Variants in CNTNAP5 observed in about 807,000 individuals in gnomAD.
CNTNAP5 encodes contactin associated protein family member 5.
Under a neutral mutation model 150.2 loss-of-function variants are expected in CNTNAP5, and 72 were observed. The observed-to-expected ratio is 0.48, with a 90% CI of 0.40 to 0.58. The LOEUF is 0.58. Ranked by LOEUF, CNTNAP5 falls within the 20% of genes least tolerant of loss-of-function variation. CNTNAP5 has a pLI of 0.00. For synonymous variants in CNTNAP5, 672 were observed against 619.8 expected, an observed-to-expected ratio of 1.08 and a Z score of -1.25; for missense variants, 1,636 against 1,626.2, an observed-to-expected ratio of 1.01 and a Z score of -0.10.
intron 1 of CNTNAP5, among the ~76,000 whole-genome samples, chr2:124,140,254 C>A (rs1329571457): frequency 6.6e-6 from 1 of 150,934 alleles, no homozygotes; most frequent in Non-Finnish European, 1.5e-5. Context: ...GTAAACAAAG[C>A]AGCCGGGAAG....
intron 3 of CNTNAP5, among the ~76,000 whole-genome samples, chr2:124,392,482 G>A: frequency 6.6e-6 from 1 of 152,052 alleles, no homozygotes; most frequent in South Asian, 2.1e-4. Flanking sequence ...TGGAGACAGA[G>A]CTATAATGTA....
In CNTNAP5 at chr2:124,620,767, A is replaced by G. The variant is rs537406259; in HGVS notation, c.1876+10847A>G. On this transcript the variant is annotated intron_variant, in intron 12 of 23. Coordinates refer to ENST00000682447, the MANE Select transcript of CNTNAP5 (RefSeq NM_001367498.1). ...CATGCACACACACACACACACACAC[A>G]CACACACATATATATGCAAACTTTC... Among the ~76,000 whole-genome samples, 11 of 152,060 alleles carry G rather than the reference A, an allele frequency of 7.2e-5. No individual in the cohort carries two copies. The South Asian group carries it at 2.3e-3, about 32-fold the overall frequency.
chr2:124,617,900 C>A (rs994153608), intron 12 of CNTNAP5, among the ~76,000 whole-genome samples: 3 of 152,030 alleles, frequency 2.0e-5, no homozygotes, highest in African/African-American at 7.2e-5. Flanking sequence ...GCCTCTGAAA[C>A]CTGAATAGGA....
chr2:124,659,034 A>G (rs1354116279), intron 13 of CNTNAP5, among the ~76,000 whole-genome samples: 1 of 152,176 alleles, frequency 6.6e-6, no homozygotes, highest in East Asian at 1.9e-4. Context: ...TCCTACCGCC[A>G]TGTGACCTTA....
intron 14 of CNTNAP5, among the ~76,000 whole-genome samples, chr2:124,759,373 T>A (rs1304762780): frequency 6.8e-6 from 1 of 146,764 alleles, no homozygotes; most frequent in African/African-American, 2.5e-5. Flanking sequence ...TTATATATAT[T>A]TATTATATAT....
At chr2:124,474,933 A>C in intron 7 of CNTNAP5, 51 bp downstream of exon 7, 1 of 1,534,224 alleles carries the variant, frequency 6.5e-7, no homozygotes, top group Non-Finnish European at 8.8e-7. Context: ...CTTTGGGGTA[A>C]GTCTTGCTTT....
At chr2:124,487,458 T>C (rs1294864426) in intron 7 of CNTNAP5, among the ~76,000 whole-genome samples, 1 of 152,086 alleles carries the variant, frequency 6.6e-6, no homozygotes, top group Non-Finnish European at 1.5e-5. Context: ...AACCCACCAT[T>C]TACTTCATTT....
intron 13 of CNTNAP5, among the ~76,000 whole-genome samples, chr2:124,673,052 G>A (rs1457098511): frequency 6.6e-6 from 1 of 152,034 alleles, no homozygotes; most frequent in Non-Finnish European, 1.5e-5. Context: ...TATCAAATTG[G>A]CATTTTGGTA....
rs552982736 is a variant in CNTNAP5 at position 124,869,745 on chromosome 2, C to A, written c.3419C>A (p.Thr1140Asn). 12 of 1,609,114 alleles carry A rather than the reference C, an allele frequency of 7.5e-6. No individual in the cohort carries two copies. Among genetic ancestry groups the A allele is most frequent in the East Asian group, 4.5e-5 (2 of 44,736 alleles). The change falls in exon 21 of 24, where the codon ACC (threonine) becomes AAC (asparagine). Residue 1140 changes from threonine (T) to asparagine (N), a missense_variant. Transcript: ENST00000682447. ...GAGTTCAGGGTTATAAGGTCACTCA[C>A]CTTGGGCAAAGTCACAGGTATGTTG... ...EVEFRVIRSL[T>N]LGKVTENLGL...
intron 13 of CNTNAP5, among the ~76,000 whole-genome samples, chr2:124,672,143 T>C (rs2105058555): frequency 1.3e-5 from 2 of 152,294 alleles, no homozygotes; most frequent in East Asian, 3.9e-4. Context: ...ACCTCTCTTT[T>C]TGGCTTGGAG....
At chr2:124,887,331 G>A (rs1218709365) in intron 21 of CNTNAP5, among the ~76,000 whole-genome samples, 1 of 152,026 alleles carries the variant, frequency 6.6e-6, no homozygotes, top group Non-Finnish European at 1.5e-5. Flanking sequence ...CTTCTGATTA[G>A]TAATGCATCA....
At chr2:124,567,835 TGATA>T (rs10685444) in intron 11 of CNTNAP5, among the ~76,000 whole-genome samples, 28,167 of 132,664 alleles carry the variant, frequency 0.21, 2,796 homozygotes, top group Non-Finnish European at 0.22. Context: ...AGGGCATAGA[TGATA>T]GATAGATAGA....
intron 13 of CNTNAP5, among the ~76,000 whole-genome samples, chr2:124,666,204 G>GAT (rs1678696477): frequency 6.6e-6 from 1 of 152,250 alleles, no homozygotes; most frequent in Non-Finnish European, 1.5e-5. Context: ...AGTATACATT[G>GAT]ATTTGGCCCA....
chr2:124,567,643 C>T (rs1696053406), intron 11 of CNTNAP5, among the ~76,000 whole-genome samples: 1 of 152,150 alleles, frequency 6.6e-6, no homozygotes. Context: ...TCAATGCCTT[C>T]CGACTCCCAG....
intron 7 of CNTNAP5, among the ~76,000 whole-genome samples, chr2:124,487,112 C>G (rs1693902457): frequency 6.6e-6 from 1 of 152,126 alleles, no homozygotes. Context: ...TCCAGTATCC[C>G]CCATGGTGGC....
chr2:124,190,581 G>C (rs766065078), intron 1 of CNTNAP5, among the ~76,000 whole-genome samples: 1 of 152,072 alleles, frequency 6.6e-6, no homozygotes, highest in Non-Finnish European at 1.5e-5. Flanking sequence ...AAAGAAAACC[G>C]AAAGCTCAAT....
At chr2:124,358,611 G>T (rs1267708891) in intron 3 of CNTNAP5, among the ~76,000 whole-genome samples, 3 of 152,184 alleles carry the variant, frequency 2.0e-5, no homozygotes, top group Non-Finnish European at 1.5e-5. Context: ...TACATTTACT[G>T]ATTTGCATAT....
At chr2:124,213,868 G>A (rs1396518049) in intron 1 of CNTNAP5, among the ~76,000 whole-genome samples, 1 of 152,166 alleles carries the variant, frequency 6.6e-6, no homozygotes, top group Non-Finnish European at 1.5e-5. Flanking sequence ...GAGCTGTTGA[G>A]TTTGGGCTCA....
At chr2:124,244,291 T>C (rs912173151) in intron 3 of CNTNAP5, among the ~76,000 whole-genome samples, 2 of 152,158 alleles carry the variant, frequency 1.3e-5, no homozygotes, top group Admixed American at 6.5e-5. Context: ...GGGATCTCTT[T>C]ATATGTCCAT....
Sources: gnomAD v4.1 joint callset for allele counts (sites outside exome capture counted in the v4.1 genomes callset) on GRCh38, gnomAD v4.1.1 for gene constraint, MANE v1.5 for transcripts, NCBI Gene and HGNC (gene_info 2026-07-23, HGNC 2026-07-21) for gene names.